The following PLCZ1 variants were observed in gnomAD, a reference collection of about 807,000 sequenced individuals.
The protein encoded by PLCZ1 is phospholipase C zeta 1.
PLCZ1 carries 64 observed loss-of-function variants against 76.8 expected under a neutral mutation model. The observed-to-expected ratio is 0.83, with a 90% confidence interval of 0.68 to 1.03. The LOEUF is 1.03. PLCZ1 is among the 50% of genes least tolerant of loss of function. The pLI is 0.00. For missense variants in PLCZ1, 751 were observed against 713.7 expected, an observed-to-expected ratio of 1.05 and a Z score of -0.60; for synonymous variants, 248 against 230.8, an observed-to-expected ratio of 1.07 and a Z score of -0.68.
chr12:18,712,420 T>A (rs942944694), intron 6 of PLCZ1, among the ~76,000 whole-genome samples: 1 of 152,186 alleles, frequency 6.6e-6, no homozygotes, highest in Non-Finnish European at 1.5e-5. Flanking sequence ...TATCAATAGC[T>A]GTCATTATAG....
At chr12:18,735,384 T>C (rs1268854282) in intron 3 of PLCZ1, among the ~76,000 whole-genome samples, 1 of 152,126 alleles carries the variant, frequency 6.6e-6, no homozygotes, top group Non-Finnish European at 1.5e-5. Flanking sequence ...GGTCCTGGGC[T>C]TTTCTTCGTT....
downstream of PLCZ1, among the ~76,000 whole-genome samples, chr12:18,682,454 T>G (rs114092823): frequency 4.6e-3 from 698 of 152,146 alleles, 4 homozygotes; most frequent in African/African-American, 0.016. Flanking sequence ...ATATCAGTGG[T>G]TCCATATTGT....
At chr12:18,730,917 C>T (rs978028850) in intron 3 of PLCZ1, 1 of 152,044 alleles carries the variant, frequency 6.6e-6, no homozygotes, top group African/African-American at 2.4e-5. Context: ...AGGAAAAATC[C>T]TACATGTAAA....
chr12:18,670,342 A>G, the PLCZ1 span, among the ~76,000 whole-genome samples: 1 of 152,240 alleles, frequency 6.6e-6, no homozygotes, highest in East Asian at 1.9e-4. Flanking sequence ...CAAAAATCAC[A>G]TTGTTGATTT....
At chr12:18,668,818 T>C in the PLCZ1 span, among the ~76,000 whole-genome samples, 1 of 152,294 alleles carries the variant, frequency 6.6e-6, no homozygotes, top group Middle Eastern at 3.4e-3. Flanking sequence ...GATACATATC[T>C]ACTCATACAT....
chr12:18,678,290 G>A (rs74604703), downstream of PLCZ1, among the ~76,000 whole-genome samples: 8 of 152,036 alleles, frequency 5.3e-5, no homozygotes, highest in Admixed American at 1.3e-4. Flanking sequence ...ACTGGTCAGC[G>A]TGCTCAAAAG....
Position 18,688,105 on chromosome 12 carries a change from A to T in PLCZ1, c.1575T>A (p.Arg525=), listed in dbSNP as rs1402211225. Residue 525 remains arginine (R), a synonymous_variant, in exon 13 of 15, where the codon CGT becomes CGA. Coordinates refer to ENST00000266505, the MANE Select transcript of PLCZ1 (RefSeq NM_033123.4). The part of the protein sequence containing the change: ...VPNDQMKQQT[R]VIKKNAFSPR... ...GGAGCTCACCATTTTTTTTAATTAC[A>T]CGAGTCTGCTGCTTCATTTGATCAT... The T allele has an allele frequency of 1.2e-6, 2 of 1,611,172 alleles. No homozygotes were observed. The highest frequency in any genetic ancestry group is 2.7e-5 in the African/African-American group (2 of 74,804).
chr12:18,695,077 C>G lies in PLCZ1; in HGVS notation c.1294G>C (p.Ala432Pro), dbSNP rs1470610454. ...EFWNIGCQMV[A>P]LNFQTPGLPM... is the part of the protein sequence containing the mutation. Reference sequence around the variant, plus strand: ...AGACCAGGGGTCTGGAAATTTAAAGCCACTGTAAGAAAGAAGTATTTTGAC... The same window carrying G: ...AGACCAGGGGTCTGGAAATTTAAAGGCACTGTAAGAAAGAAGTATTTTGAC... Residue 432 changes from alanine (A) to proline (P), a missense_variant and splice_region_variant, in exon 12 of 15, where the codon GCT (alanine) becomes CCT (proline). By Grantham distance (27) the Ala-to-Pro change is conservative. Transcript: ENST00000266505. The G allele has an allele frequency of 6.2e-7, 1 of 1,612,058 alleles. No homozygotes were observed. Among genetic ancestry groups the G allele is most frequent in the Admixed American group, 1.7e-5 (1 of 59,944 alleles).
chr12:18,726,365 C>A (rs1958752087), intron 3 of PLCZ1, among the ~76,000 whole-genome samples: 1 of 152,070 alleles, frequency 6.6e-6, no homozygotes, highest in Non-Finnish European at 1.5e-5. Flanking sequence ...CTTTGCAAAG[C>A]ATTACAAAAA....
chr12:18,708,998 T>TG (rs1264728494), intron 6 of PLCZ1, among the ~76,000 whole-genome samples: 1 of 152,156 alleles, frequency 6.6e-6, no homozygotes, highest in African/African-American at 2.4e-5. Context: ...TCCTTTGCTG[T>TG]GCAAAAGCTT....
the PLCZ1 span, among the ~76,000 whole-genome samples, chr12:18,668,983 GTAAT>G: frequency 3.3e-5 from 5 of 152,108 alleles, no homozygotes; most frequent in Non-Finnish European, 7.3e-5. Context: ...CTCCAGGTGT[GTAAT>G]TAATTTCCCC....
At chr12:18,689,438 C>A (rs1348808503) in intron 12 of PLCZ1, among the ~76,000 whole-genome samples, 1 of 152,134 alleles carries the variant, frequency 6.6e-6, no homozygotes, top group African/African-American at 2.4e-5. Flanking sequence ...TTATGAGATT[C>A]TTTTTGCATT....
At chr12:18,711,529 T>TATAATAATAATAATA (rs71440375) in intron 6 of PLCZ1, among the ~76,000 whole-genome samples, 823 of 142,444 alleles carry the variant, frequency 5.8e-3, no homozygotes, top group African/African-American at 8.8e-3. Flanking sequence ...AAACTTAAAG[T>TATAATAATAATAATA]ATAATAATAA....
intron 6 of PLCZ1, among the ~76,000 whole-genome samples, chr12:18,708,966 T>C (rs1956971599): frequency 6.6e-6 from 1 of 152,124 alleles, no homozygotes; most frequent in African/African-American, 2.4e-5. Flanking sequence ...AGGCTGCCCT[T>C]TGATTTTGTT....
At chr12:18,675,852 T>C in the PLCZ1 span, among the ~76,000 whole-genome samples, 2 of 150,932 alleles carry the variant, frequency 1.3e-5, no homozygotes, top group South Asian at 2.1e-4. Context: ...TAATAGACAC[T>C]AGGGACTCAA....
chr12:18,696,436 A>C (rs1955049679), intron 10 of PLCZ1, among the ~76,000 whole-genome samples, 170 bp from the exon 11 acceptor site: 1 of 148,940 alleles, frequency 6.7e-6, no homozygotes, highest in East Asian at 2.0e-4. Flanking sequence ...AAATAAATCC[A>C]TGCCTTTATG....
chr12:18,692,619 C>G, intron 12 of PLCZ1: 1 of 572,316 alleles, frequency 1.7e-6, no homozygotes, highest in Middle Eastern at 4.8e-4. Flanking sequence ...AATATGAGGT[C>G]AACCGCAATG....
the PLCZ1 span, among the ~76,000 whole-genome samples, chr12:18,659,144 C>T: frequency 4.0e-4 from 61 of 152,198 alleles, no homozygotes; most frequent in African/African-American, 1.3e-3. Context: ...AAAAAATAAA[C>T]AGTAACCATA....
At chr12:18,665,464 A>G in the PLCZ1 span, among the ~76,000 whole-genome samples, 2 of 152,320 alleles carry the variant, frequency 1.3e-5, no homozygotes, top group South Asian at 2.1e-4. Context: ...TAATTTCTCT[A>G]TTTTGTCTGT....
Sources: gnomAD v4.1 joint callset for allele counts (sites outside exome capture counted in the v4.1 genomes callset) on GRCh38, gnomAD v4.1.1 for gene constraint, MANE v1.5 for transcripts, NCBI Gene and HGNC (gene_info 2026-07-23, HGNC 2026-07-21) for gene names.